The following PTPN20 variants were observed in gnomAD, a reference collection of about 807,000 sequenced individuals.
PTPN20 encodes the protein protein tyrosine phosphatase non-receptor type 20.
PTPN20 carries 9 observed loss-of-function variants against 35.0 expected under a neutral mutation model. The observed-to-expected ratio is 0.26, with a 90% CI of 0.15 to 0.45. PTPN20 has a LOEUF of 0.45. Among genes scored for constraint, PTPN20 ranks in the 20% least tolerant of loss-of-function variants. The probability of loss-of-function intolerance (pLI) is 1.00; values close to 1 mark genes in which losing one functional copy is unlikely to be tolerated. For missense variants in PTPN20, 111 were observed against 312.5 expected, an observed-to-expected ratio of 0.36 and a Z score of 4.86; for synonymous variants, 32 against 100.2, an observed-to-expected ratio of 0.32 and a Z score of 4.06.
At chr10:46,985,392 G>A (rs1341793446) in intron 8 of PTPN20, among the ~76,000 whole-genome samples, 1 of 150,246 alleles carries the variant, frequency 6.7e-6, no homozygotes, top group Non-Finnish European at 1.5e-5. Flanking sequence ...AAAATTGGGA[G>A]ACATATGTGA....
At chr10:46,947,851 A>G in intron 5 of PTPN20, 1 of 427,150 alleles carries the variant, frequency 2.3e-6, no homozygotes, top group Non-Finnish European at 4.6e-6. Context: ...TATTCCATTC[A>G]CCAGTTGAAG....
chr10:46,964,397 G>A (rs2050182870), intron 5 of PTPN20, among the ~76,000 whole-genome samples: 1 of 101,724 alleles, frequency 9.8e-6, no homozygotes, highest in African/African-American at 4.3e-5. Context: ...GATTGTATGT[G>A]TGCTATTAAA....
Position 46,911,432 on chromosome 10 carries a change from T to A in PTPN20, c.-193T>A, listed in dbSNP as rs2031850207. The A allele has an allele frequency of 3.1e-6, 1 of 323,926 alleles. No homozygotes were observed. Among genetic ancestry groups the A allele is most frequent in the Admixed American group, 4.6e-5 (1 of 21,934 alleles). 20.1% of individuals were successfully genotyped at this position (323,926 alleles called of 1,614,324 possible). On this transcript the variant is annotated 5_prime_UTR_variant, in exon 1 of 11. Transcript: ENST00000374339. ...TGGATAGCGACGAAGGCCGGCAGGC[T>A]AGGCGTGGACCCAACTGGCGAGGCT...
chr10:46,994,322 CTTTT>C (rs36049729), intron 9 of PTPN20, among the ~76,000 whole-genome samples: 3 of 66,320 alleles, frequency 4.5e-5, no homozygotes, highest in Non-Finnish European at 7.9e-5. Context: ...CTCTGATGCT[CTTTT>C]TTTTTTTTTT....
chr10:46,926,443 A>C (rs1169966998), intron 1 of PTPN20, among the ~76,000 whole-genome samples: 1 of 151,704 alleles, frequency 6.6e-6, no homozygotes, highest in Admixed American at 6.6e-5. Flanking sequence ...AACATTACAC[A>C]GTTCATTTTT....
chr10:46,954,596 C>T (rs1187475139), intron 5 of PTPN20, among the ~76,000 whole-genome samples: 2 of 145,400 alleles, frequency 1.4e-5, no homozygotes, highest in Non-Finnish European at 3.0e-5. Context: ...AACTGATCAC[C>T]TCTCTTTTTT....
intron 1 of PTPN20, among the ~76,000 whole-genome samples, chr10:46,928,165 G>A (rs1313047913): frequency 6.6e-6 from 1 of 151,726 alleles, no homozygotes; most frequent in African/African-American, 2.4e-5. Context: ...CAAGGGTGAA[G>A]CATTGTTGAT....
downstream of PTPN20, chr10:47,002,616 T>C (rs1035906327): frequency 3.3e-5 from 5 of 151,998 alleles, no homozygotes; most frequent in African/African-American, 9.7e-5. Context: ...GAAATTTTCA[T>C]TGACACCTTT....
At chr10:46,923,929 A>G (rs1158249134) in intron 1 of PTPN20, among the ~76,000 whole-genome samples, 2 of 152,228 alleles carry the variant, frequency 1.3e-5, no homozygotes, top group African/African-American at 4.8e-5. Flanking sequence ...ATACCTGTAT[A>G]TTTCAGTTTT....
At chr10:46,937,824 G>C (rs2042159661) in intron 2 of PTPN20, among the ~76,000 whole-genome samples, 1 of 151,536 alleles carries the variant, frequency 6.6e-6, no homozygotes. Flanking sequence ...TGATTTGGCT[G>C]TGGGTTATAC....
chr10:46,936,729 C>T (rs2041771652), intron 2 of PTPN20, among the ~76,000 whole-genome samples: 1 of 146,790 alleles, frequency 6.8e-6, no homozygotes. Context: ...TCGGCATCCA[C>T]TGGGGGTCTT....
At chr10:46,929,351 T>A (rs2038796694) in intron 1 of PTPN20, among the ~76,000 whole-genome samples, 1 of 146,846 alleles carries the variant, frequency 6.8e-6, no homozygotes, top group Non-Finnish European at 1.5e-5. Context: ...TTATCAGGGC[T>A]AATTCTCTAT....
intron 7 of PTPN20, among the ~76,000 whole-genome samples, chr10:46,976,138 T>A (rs2053517874): frequency 7.6e-6 from 1 of 131,494 alleles, no homozygotes; most frequent in East Asian, 2.1e-4. Context: ...TTTATTTTTT[T>A]TTTAGAAACA....
chr10:46,963,691 G>A (rs1259037346), intron 5 of PTPN20, among the ~76,000 whole-genome samples: 1 of 95,550 alleles, frequency 1.0e-5, no homozygotes, highest in Non-Finnish European at 1.9e-5. Context: ...ATTATTCACT[G>A]GAAGGATCTT....
At chr10:46,987,961 C>A (rs1453129201) in intron 9 of PTPN20, among the ~76,000 whole-genome samples, 5 of 149,580 alleles carry the variant, frequency 3.3e-5, no homozygotes, top group Admixed American at 3.3e-4. Flanking sequence ...AATGAGGGGT[C>A]CCTGTTTGAC....
intron 5 of PTPN20, among the ~76,000 whole-genome samples, chr10:46,959,952 A>G (rs1290935117): frequency 3.1e-5 from 2 of 65,512 alleles, no homozygotes; most frequent in Non-Finnish European, 5.3e-5. Context: ...TTTTAGGCTA[A>G]TAAATTTAGG....
intron 2 of PTPN20, among the ~76,000 whole-genome samples, chr10:46,940,259 GA>G (rs2043022747): frequency 6.8e-6 from 1 of 147,728 alleles, no homozygotes; most frequent in African/African-American, 2.6e-5. Flanking sequence ...TCAAGAAATA[GA>G]CTCTGAAACA....
rs957321753 is a variant in PTPN20 at position 46,995,320 on chromosome 10, G to T, written c.1135-4592G>T. Among the ~76,000 whole-genome samples the T allele has an allele frequency of 5.1e-5, 7 of 138,496 alleles. No homozygotes were observed. In the East Asian group the frequency reaches 1.3e-3, roughly 25 times the overall value. The allele number at this position is 138,496 out of a possible 152,430, so 90.9% of individuals were successfully genotyped here. On this transcript the variant is annotated intron_variant, in intron 9 of 10. Coordinates refer to ENST00000374339, the MANE Select transcript of PTPN20 (RefSeq NM_001042357.5). ...ATAGATTCTATGTAATTTACCTGTC[G>T]AATTTTTTTTTTCTTTTTTTTTTTT...
chr10:46,999,121 G>C (rs1342756347), intron 9 of PTPN20, among the ~76,000 whole-genome samples: 1 of 151,938 alleles, frequency 6.6e-6, no homozygotes, highest in Non-Finnish European at 1.5e-5. Context: ...TTTTTCAAAG[G>C]GTTAATTAAA....
Sources: allele counts gnomAD v4.1 joint callset (sites outside exome capture counted in the v4.1 genomes callset), GRCh38; gene constraint gnomAD v4.1.1; transcripts MANE v1.5; gene names NCBI Gene and HGNC (gene_info 2026-07-23, HGNC 2026-07-21).